Variants in SLC12A2 observed in about 807,000 individuals in gnomAD.
The protein encoded by SLC12A2 is solute carrier family 12 member 2, also known as Na-K-2Cl cotransporter 1.
Under a neutral mutation model 136.3 loss-of-function variants are expected in SLC12A2, and 67 were observed. The observed-to-expected ratio is 0.49, with a 90% CI of 0.40 to 0.60. The LOEUF (loss-of-function observed/expected upper bound fraction) is 0.60. Ranked by LOEUF, SLC12A2 falls within the 20% of genes least tolerant of loss-of-function variation. The pLI, the probability that SLC12A2 is intolerant of heterozygous loss-of-function variation, is 0.00. For synonymous variants in SLC12A2, 619 were observed against 562.9 expected, an observed-to-expected ratio of 1.10 and a Z score of -1.41; for missense variants, 1,322 against 1,534.7, an observed-to-expected ratio of 0.86 and a Z score of 2.32.
chr5:128,126,966 A>ATATATATATATATATTTTT, intron 4 of SLC12A2, among the ~76,000 whole-genome samples: 1 of 21,156 alleles, frequency 4.7e-5, no homozygotes, highest in Non-Finnish European at 7.7e-5. Flanking sequence ...ATATATATAT[A>ATATATATATATATATTTTT]TTTTTTTTTT....
chr5:128,158,280 T>G, intron 16 of SLC12A2, 116 bp downstream of exon 16: 1 of 744,856 alleles, frequency 1.3e-6, no homozygotes, highest in South Asian at 1.9e-5. Context: ...GGGTTTGGTG[T>G]ACAGATTGTT....
At chr5:128,107,672 T>G (rs1760994282) in intron 1 of SLC12A2, among the ~76,000 whole-genome samples, 1 of 152,224 alleles carries the variant, frequency 6.6e-6, no homozygotes, top group Non-Finnish European at 1.5e-5. Context: ...GTGCAACATT[T>G]TCTTTATTCA....
At chr5:128,100,028 G>C (rs777652993) in intron 1 of SLC12A2, among the ~76,000 whole-genome samples, 1 of 152,088 alleles carries the variant, frequency 6.6e-6, no homozygotes, top group Admixed American at 6.6e-5. Flanking sequence ...TATATACTGT[G>C]AATAATTATA....
chr5:128,109,111 A>G (rs1046745916), intron 1 of SLC12A2, among the ~76,000 whole-genome samples: 3 of 152,272 alleles, frequency 2.0e-5, no homozygotes, highest in South Asian at 2.1e-4. Context: ...AGCTATGTCT[A>G]TTAATGAAAA....
At chr5:128,128,215 C>T (rs1761891169) in intron 4 of SLC12A2, among the ~76,000 whole-genome samples, 1 of 152,016 alleles carries the variant, frequency 6.6e-6, no homozygotes, top group Non-Finnish European at 1.5e-5. Flanking sequence ...ATGACTGAAA[C>T]CAGTTTTTAA....
At chr5:128,119,979 C>T (rs1473766193) in intron 4 of SLC12A2, among the ~76,000 whole-genome samples, 2 of 151,872 alleles carry the variant, frequency 1.3e-5, no homozygotes, top group Non-Finnish European at 2.9e-5. Context: ...GGCTAATATC[C>T]AGAATCTACA....
At chr5:128,148,074 G>T (rs1188961022) in intron 11 of SLC12A2, among the ~76,000 whole-genome samples, 1 of 151,452 alleles carries the variant, frequency 6.6e-6, no homozygotes, top group African/African-American at 2.4e-5. Flanking sequence ...AAATATCTTT[G>T]TTCTAGTCAG....
chr5:128,184,512 C>A lies in SLC12A2; in HGVS notation c.3435+11C>A. ...CTTTATAAGACCAAGGTATTCTCTT[C>A]TGCTTCCTTTTCATTAATCTTTTAT... On this transcript the variant is annotated intron_variant, in intron 25 of 26. Coordinates refer to ENST00000262461, the MANE Select transcript of SLC12A2 (RefSeq NM_001046.3). 6.4e-7 allele frequency: 1 copy of A among 1,569,984 alleles called. No homozygotes were observed. Among genetic ancestry groups the A allele is most frequent in the Non-Finnish European group, 8.6e-7 (1 of 1,164,914 alleles).
intron 24 of SLC12A2, among the ~76,000 whole-genome samples, chr5:128,183,603 A>G (rs554409835): frequency 1.3e-5 from 2 of 151,924 alleles, no homozygotes; most frequent in East Asian, 3.9e-4. Flanking sequence ...TTAGAATGCC[A>G]TTCATGTTAT....
At position 128,142,123 on chromosome 5, in the gene SLC12A2, G is replaced by A; in HGVS notation, c.1773+142G>A. 3 of 728,570 alleles carry A rather than the reference G, an allele frequency of 4.1e-6. No homozygotes were observed. In the South Asian group the frequency reaches 6.5e-5, roughly 16 times the overall value. 45.1% of individuals were successfully genotyped at this position (728,570 alleles called of 1,614,324 possible). A position where few individuals can be genotyped will look rare whatever the true frequency, so the allele number is the denominator to read the frequency against. ...TTTTTAATTTTTAATTTTTTCTTGAGATAGAGTCTCACTCTGTCGCCCAGG... is the reference window on the plus strand; with the variant it reads ...TTTTTAATTTTTAATTTTTTCTTGAAATAGAGTCTCACTCTGTCGCCCAGG... On this transcript the variant is annotated intron_variant, in intron 10 of 26. Coordinates refer to ENST00000262461, the MANE Select transcript of SLC12A2 (RefSeq NM_001046.3).
rs1161680898 is a variant in SLC12A2, at chr5:128,084,925, G to A, written c.756+215G>A. ...CGGGTTTGGCTAGTTACGTGATACC[G>A]GAGGGCTGCCTCTAACAACCTTCCC... On this transcript the variant is annotated intron_variant, in intron 1 of 26. Coordinates refer to ENST00000262461, the MANE Select transcript of SLC12A2 (RefSeq NM_001046.3). This position sits in a 1 kb window ranked among gnomAD's most constrained non-coding sequence, Gnocchi z 5.6. Among the ~76,000 whole-genome samples, 1 of 150,472 alleles carries A rather than the reference G, an allele frequency of 6.6e-6. No homozygotes were observed. Among genetic ancestry groups the A allele is most frequent in the Non-Finnish European group, 1.5e-5 (1 of 67,740 alleles).
chr5:128,110,265 C>T (rs1369842365), intron 1 of SLC12A2: 5 of 810,098 alleles, frequency 6.2e-6, no homozygotes, highest in South Asian at 1.3e-5. Flanking sequence ...TGGTGTGGCT[C>T]CACAGATTCC....
intron 1 of SLC12A2, among the ~76,000 whole-genome samples, chr5:128,102,980 T>G (rs1039329497): frequency 1.3e-5 from 2 of 152,210 alleles, no homozygotes; most frequent in African/African-American, 4.8e-5. Flanking sequence ...CTACAGTTTC[T>G]TTATTCTGCA....
intron 1 of SLC12A2, among the ~76,000 whole-genome samples, chr5:128,106,069 C>T (rs956879783): frequency 6.6e-6 from 1 of 152,138 alleles, no homozygotes; most frequent in African/African-American, 2.4e-5. Context: ...CTCTGTCCTA[C>T]CAGTCCCTGC....
At chr5:128,094,892 A>G (rs1283425796) in intron 1 of SLC12A2, among the ~76,000 whole-genome samples, 1 of 152,162 alleles carries the variant, frequency 6.6e-6, no homozygotes, top group Non-Finnish European at 1.5e-5. Flanking sequence ...CATTTTAAGT[A>G]CTTAATAACC....
intron 15 of SLC12A2, among the ~76,000 whole-genome samples, chr5:128,157,239 G>T (rs1230590221): frequency 2.6e-5 from 4 of 151,992 alleles, no homozygotes; most frequent in Admixed American, 2.6e-4. Context: ...AGTCTGTTTG[G>T]ACCTACCAAA....
chr5:128,157,962 A>G, intron 15 of SLC12A2, 91 bp from the exon 16 acceptor site: 2 of 1,005,310 alleles, frequency 2.0e-6, no homozygotes, highest in South Asian at 3.1e-5. Context: ...GGACAGTTGT[A>G]TACAGAAAGC....
At chr5:128,138,995 T>C (rs562003874) in intron 9 of SLC12A2, 87 bp downstream of exon 9, 2 of 901,168 alleles carry the variant, frequency 2.2e-6, no homozygotes, top group South Asian at 3.2e-5. Flanking sequence ...TTTGCTAACT[T>C]TTTTAAATAC....
chr5:128,159,006 T>G (rs1762951263), intron 16 of SLC12A2, among the ~76,000 whole-genome samples: 1 of 152,120 alleles, frequency 6.6e-6, no homozygotes, highest in African/African-American at 2.4e-5. Context: ...AGCCAACTTT[T>G]TTTTTTTCAG....
Sources: gnomAD v4.1 joint callset for allele counts (sites outside exome capture counted in the v4.1 genomes callset) on GRCh38, gnomAD v4.1.1 for gene constraint, Gnocchi (gnomAD v3.1) non-coding constraint, MANE v1.5 for transcripts, NCBI Gene and HGNC (gene_info 2026-07-23, HGNC 2026-07-21) for gene names.